The following TECTB variants were observed in gnomAD, a reference collection of about 807,000 sequenced individuals.
TECTB encodes the protein beta-tectorin.
Under a neutral mutation model 43.3 loss-of-function variants are expected in TECTB, and 45 were observed. That is an observed-to-expected ratio of 1.04 (90% confidence interval 0.82 to 1.33). TECTB has a LOEUF of 1.33. Ranked by LOEUF, TECTB falls within the 40% of genes most tolerant of loss-of-function variation. The pLI is 0.00. For synonymous variants in TECTB, 169 were observed against 156.7 expected, an observed-to-expected ratio of 1.08 and a Z score of -0.59; for missense variants, 399 against 404.7, an observed-to-expected ratio of 0.99 and a Z score of 0.12.
At chr10:112,285,979 G>T (rs1848450270) in intron 3 of TECTB, 92 bp from the exon 4 acceptor site, 2 of 1,540,748 alleles carry the variant, frequency 1.3e-6, no homozygotes, top group Admixed American at 3.4e-5. Flanking sequence ...CACTGGACTT[G>T]TTTTTGAGCC....
At chr10:112,298,612 C>T (rs1474896898) in intron 8 of TECTB, among the ~76,000 whole-genome samples, 1 of 152,168 alleles carries the variant, frequency 6.6e-6, no homozygotes, top group African/African-American at 2.4e-5. Flanking sequence ...GTCTAGGTGG[C>T]AGGGACAGGC....
chr10:112,295,425 T>C (rs1250386611), intron 7 of TECTB, among the ~76,000 whole-genome samples: 1 of 152,174 alleles, frequency 6.6e-6, no homozygotes. Context: ...AGGAGAAAAC[T>C]GAGGCACAGG....
chr10:112,292,988 C>A (rs1046846237), intron 5 of TECTB, among the ~76,000 whole-genome samples: 2 of 152,202 alleles, frequency 1.3e-5, no homozygotes, highest in African/African-American at 4.8e-5. Flanking sequence ...GTGAGGCCTC[C>A]CCAACCACTG....
At chr10:112,299,224 C>A (rs1273853681) in intron 8 of TECTB, among the ~76,000 whole-genome samples, 2 of 152,196 alleles carry the variant, frequency 1.3e-5, no homozygotes, top group Admixed American at 1.3e-4. Context: ...CCCTTCCACA[C>A]TCAATGACCT....
intron 10 of TECTB, chr10:112,302,656 C>T (rs1848621604): frequency 8.3e-6 from 2 of 239,594 alleles, no homozygotes; most frequent in Admixed American, 1.1e-4. Flanking sequence ...CAGCAAACAC[C>T]CAGTCAGGGT....
intron 2 of TECTB, among the ~76,000 whole-genome samples, 195 bp downstream of exon 2, chr10:112,284,005 C>CT (rs113336592): frequency 1.3e-5 from 2 of 151,310 alleles, no homozygotes; most frequent in African/African-American, 2.4e-5. Context: ...TAAACTCGGA[C>CT]TTTTTTTTTA....
At chr10:112,297,118 T>G (rs1646460561) in intron 7 of TECTB, among the ~76,000 whole-genome samples, 1 of 152,314 alleles carries the variant, frequency 6.6e-6, no homozygotes, top group Admixed American at 6.5e-5. Context: ...TTGCTGAAAC[T>G]AGGGTTTCTC....
intron 5 of TECTB, among the ~76,000 whole-genome samples, chr10:112,291,874 C>T (rs567613921): frequency 5.8e-4 from 88 of 152,314 alleles, no homozygotes; most frequent in Middle Eastern, 3.4e-3. Context: ...CAGTGGCTCA[C>T]GCCTGTAATC....
At chr10:112,297,095 T>C (rs1435587462) in intron 7 of TECTB, among the ~76,000 whole-genome samples, 5 of 152,156 alleles carry the variant, frequency 3.3e-5, no homozygotes, top group African/African-American at 4.8e-5. Flanking sequence ...CTTTGTTAAA[T>C]GAAAAAGTAT....
intron 2 of TECTB, 142 bp downstream of exon 2, chr10:112,283,952 A>T: frequency 1.2e-6 from 1 of 845,468 alleles, no homozygotes; most frequent in South Asian, 1.9e-5. Context: ...ACCCCCTCCA[A>T]TACCAATCAG....
intron 7 of TECTB, among the ~76,000 whole-genome samples, 165 bp from the exon 8 acceptor site, chr10:112,297,904 T>C (rs987199173): frequency 3.3e-5 from 5 of 152,070 alleles, no homozygotes; most frequent in African/African-American, 1.2e-4. Flanking sequence ...GCTCATCAAC[T>C]TGACCTCACA....
intron 3 of TECTB, among the ~76,000 whole-genome samples, chr10:112,285,751 G>A (rs1258836771): frequency 6.6e-6 from 1 of 152,196 alleles, no homozygotes; most frequent in African/African-American, 2.4e-5. Flanking sequence ...AGGAGAAATG[G>A]ATGAAGAGTT....
chr10:112,300,389 G>A (rs1269308947), intron 9 of TECTB, among the ~76,000 whole-genome samples: 1 of 152,042 alleles, frequency 6.6e-6, no homozygotes, highest in African/African-American at 2.4e-5. Flanking sequence ...TCATGAGAAT[G>A]TCATGTGCAA....
rs1447536458 is a variant in TECTB, at chr10:112,304,190, A to G, written c.*878A>G. The G allele has an allele frequency of 2.0e-5, 3 of 152,232 alleles. No homozygotes were observed. Among genetic ancestry groups the G allele is most frequent in the African/African-American group, 4.8e-5 (2 of 41,456 alleles). The allele number at this position is 152,232 out of a possible 1,614,324, so 9.4% of individuals were successfully genotyped here. On this transcript the variant is annotated 3_prime_UTR_variant, in exon 11 of 11. Coordinates refer to ENST00000646139, the MANE Select transcript of TECTB (RefSeq NM_058222.3). ...TGTGAGTTTGGTGACCCAATCCTAC[A>G]GATAAATGCCTTGTGACACTCAATG... is the stretch of plus-strand genomic sequence containing the variant.
At chr10:112,293,693 T>C (rs1190294815) in intron 5 of TECTB, 45 bp from the exon 6 acceptor site, 2 of 1,568,388 alleles carry the variant, frequency 1.3e-6, no homozygotes, top group South Asian at 2.2e-5. Context: ...ACCTAGCTGC[T>C]CAATCTGAGA....
rs1554854182 is a variant in TECTB, at chr10:112,300,175, AAG to A, written c.907+613_907+614del. ...GAAACTCCGTCTCAAAAAAAAAAAA[AAG>A]AAAGAAAGAAAAAGAAGAAAGAAAG... On this transcript the variant is annotated intron_variant, in intron 9 of 10. Transcript: ENST00000646139. Among the ~76,000 whole-genome samples the A allele has an allele frequency of 3.3e-5, 5 of 150,550 alleles. No homozygotes were observed. In the South Asian group the frequency reaches 1.0e-3, roughly 31 times the overall value.
Position 112,303,344 on chromosome 10 carries a change from CACA to C in TECTB, c.*34_*36del. 3 of 1,612,780 alleles carry C rather than the reference CACA, an allele frequency of 1.9e-6. No individual in the cohort carries two copies. The South Asian group carries it at 3.3e-5, about 18-fold the overall frequency. On this transcript the variant is annotated 3_prime_UTR_variant, in exon 11 of 11. Coordinates refer to ENST00000646139, the MANE Select transcript of TECTB (RefSeq NM_058222.3). ...GCCAGGCAGCTGCCGCTCCTCCACC[CACA>C]ATAGTCCTCAGCGAATGACAAACAC...
chr10:112,285,046 G>A (rs1015879868), intron 3 of TECTB, among the ~76,000 whole-genome samples: 2 of 152,198 alleles, frequency 1.3e-5, no homozygotes, highest in Non-Finnish European at 2.9e-5. Flanking sequence ...TCCTAGATTG[G>A]ATGGGTGGAT....
At position 112,303,717 on chromosome 10, in the gene TECTB, T is replaced by C. The variant is rs564035982; in HGVS notation, c.*405T>C. 8 of 171,378 alleles carry C rather than the reference T, an allele frequency of 4.7e-5. No homozygotes were observed. In the South Asian group the frequency reaches 1.2e-3, roughly 25 times the overall value. The allele number at this position is 171,378 out of a possible 1,614,324, so 10.6% of individuals were successfully genotyped here. A position where few individuals can be genotyped will look rare whatever the true frequency, so the allele number is the denominator to read the frequency against. The stretch of plus-strand genomic sequence containing the variant: ...ACACTAAATGCACAACGCACATTAA[T>C]AGCTGACTTTGCCAAAAAGGAGCTT... On this transcript the variant is annotated 3_prime_UTR_variant, in exon 11 of 11. Transcript: ENST00000646139.
Sources: allele counts gnomAD v4.1 joint callset (sites outside exome capture counted in the v4.1 genomes callset), GRCh38; gene constraint gnomAD v4.1.1; transcripts MANE v1.5; gene names NCBI Gene and HGNC (gene_info 2026-07-23, HGNC 2026-07-21).